Variants in LIPH observed in about 807,000 individuals in gnomAD.
LIPH encodes lipase H, also known as lipase member H.
Under a neutral mutation model 47.6 loss-of-function variants are expected in LIPH, and 32 were observed. The observed-to-expected ratio is 0.67, with a 90% confidence interval of 0.51 to 0.90. The LOEUF (loss-of-function observed/expected upper bound fraction) is 0.90. Among genes scored for constraint, LIPH ranks in the 40% least tolerant of loss-of-function variants. The pLI, the probability that LIPH is intolerant of heterozygous loss-of-function variation, is 0.00. For synonymous variants in LIPH, 190 were observed against 195.6 expected, an observed-to-expected ratio of 0.97 and a Z score of 0.24; for missense variants, 497 against 541.4, an observed-to-expected ratio of 0.92 and a Z score of 0.81.
At chr3:185,547,645 A>G (rs902342999) in intron 1 of LIPH, among the ~76,000 whole-genome samples, 6 of 152,070 alleles carry the variant, frequency 3.9e-5, no homozygotes, top group Non-Finnish European at 7.4e-5. Context: ...CAACATGGCG[A>G]AACCCCGTCT....
chr3:185,541,883 A>G (rs2148963762), intron 1 of LIPH, among the ~76,000 whole-genome samples: 1 of 151,524 alleles, frequency 6.6e-6, no homozygotes, highest in South Asian at 2.1e-4. Context: ...CAGTCTCCCG[A>G]GTAGCTGGGA....
At chr3:185,529,762 T>G (rs547456417) in intron 3 of LIPH, among the ~76,000 whole-genome samples, 13 of 151,494 alleles carry the variant, frequency 8.6e-5, no homozygotes, top group Admixed American at 3.3e-4. Flanking sequence ...TGGTGGCTCA[T>G]GCTTGTAATC....
Position 185,508,579 on chromosome 3 carries a change from T to C in LIPH, c.*211A>G. 1.7e-6 allele frequency: 1 copy of C among 576,100 alleles called. No individual in the cohort carries two copies. The highest frequency in any genetic ancestry group is 3.0e-5 in the East Asian group (1 of 33,228). The allele number at this position is 576,100 out of a possible 1,614,324, so 35.7% of individuals were successfully genotyped here. Reference sequence around the variant, plus strand: ...GCGCTGCTGCGAGCCTGGCTATTTCTGACTTGCCCTAGTTAGGGGCTCCTT... The same window carrying C: ...GCGCTGCTGCGAGCCTGGCTATTTCCGACTTGCCCTAGTTAGGGGCTCCTT... On this transcript the variant is annotated 3_prime_UTR_variant, in exon 10 of 10. Transcript: ENST00000296252.
intron 3 of LIPH, among the ~76,000 whole-genome samples, chr3:185,529,847 GCCATTGC>G (rs1426387072): frequency 1.3e-5 from 2 of 150,770 alleles, no homozygotes; most frequent in Admixed American, 6.7e-5. Context: ...CCATGATTGT[GCCATTGC>G]CCTCCAGCCC....
chr3:185,552,467 A>T lies in LIPH; in HGVS notation c.5T>A (p.Leu2Ter), dbSNP rs766893233. The change falls in exon 1 of 10, where the codon TTG becomes TAG. Residue 2 changes from leucine (L) to a stop codon, truncating the protein, a stop_gained. Coordinates refer to ENST00000296252, the MANE Select transcript of LIPH (RefSeq NM_139248.3). LOFTEE classifies it high-confidence loss of function. The stretch of plus-strand genomic sequence containing the variant: ...CAAACTGATGAATAAGTAGAATCTC[A>T]ACATATGGAAACTGGAGAGATCGTG... M[L>*]RFYLFISLLC... 1.2e-5 allele frequency: 19 copies of T among 1,598,166 alleles called. No individual in the cohort carries two copies. The Admixed American group carries it at 2.0e-4, about 17-fold the overall frequency.
Position 185,544,552 on chromosome 3 carries a change from G to A in LIPH, c.49+7871C>T, listed in dbSNP as rs539309503. 8.0e-5 allele frequency among the ~76,000 whole-genome samples: 12 copies of A among 150,936 alleles called. No individual in the cohort carries two copies. In the South Asian group the frequency reaches 1.5e-3, roughly 19 times the overall value. ...GTATTTTTAGTAGATATGGCTTTTC[G>A]CCATGTTGGCCAGGCTGGTCTTGAA... On this transcript the variant is annotated intron_variant, in intron 1 of 9. Transcript: ENST00000296252.
chr3:185,515,011 G>A (rs971441954), intron 7 of LIPH, among the ~76,000 whole-genome samples: 1 of 152,236 alleles, frequency 6.6e-6, no homozygotes, highest in African/African-American at 2.4e-5. Context: ...ACCTGGGCAC[G>A]CTTACTTTGC....
At chr3:185,535,264 G>T (rs1170200302) in intron 1 of LIPH, 132 bp from the exon 2 acceptor site, 2 of 1,037,198 alleles carry the variant, frequency 1.9e-6, no homozygotes, top group Non-Finnish European at 2.9e-6. Flanking sequence ...GGATCCAGTT[G>T]AATGAAGTTG....
At chr3:185,521,452 G>A (rs945814803) in intron 5 of LIPH, among the ~76,000 whole-genome samples, 1 of 152,188 alleles carries the variant, frequency 6.6e-6, no homozygotes, top group Non-Finnish European at 1.5e-5. Context: ...CTGGAAGCCT[G>A]GTTCTTATGA....
At chr3:185,544,031 A>G (rs1186250913) in intron 1 of LIPH, among the ~76,000 whole-genome samples, 1 of 151,832 alleles carries the variant, frequency 6.6e-6, no homozygotes, top group Non-Finnish European at 1.5e-5. Context: ...TTATATTTTT[A>G]GTAGAGACAG....
rs1261328181 is a variant in LIPH, at chr3:185,514,384, C to T, written c.1094+26G>A. ...TCTGAGCAAAAAGGGAAATAGCGCA[C>T]TGCAAACAATTGTAACTCAACTTAC... is the stretch of plus-strand genomic sequence containing the variant. On this transcript the variant is annotated intron_variant, in intron 8 of 9. Transcript: ENST00000296252. 5 of 1,008,220 alleles carry T rather than the reference C, an allele frequency of 5.0e-6. No individual in the cohort carries two copies. The African/African-American group carries it at 7.9e-5, about 16-fold the overall frequency. 62.5% of individuals were successfully genotyped at this position (1,008,220 alleles called of 1,614,324 possible).
At chr3:185,514,388 A>G (rs144380247) in intron 8 of LIPH, 22 bp downstream of exon 8, 3 of 1,055,880 alleles carry the variant, frequency 2.8e-6, no homozygotes, top group Non-Finnish European at 4.5e-6. Flanking sequence ...AGCGCACTGC[A>G]AACAATTGTA....
At chr3:185,550,508 G>A (rs542513984) in intron 1 of LIPH, among the ~76,000 whole-genome samples, 56 of 152,258 alleles carry the variant, frequency 3.7e-4, no homozygotes, top group African/African-American at 1.1e-3. Context: ...GTACCCACAA[G>A]CCATCTTGTG....
At chr3:185,512,554 T>A (rs973714066) in intron 8 of LIPH, among the ~76,000 whole-genome samples, 1 of 149,758 alleles carries the variant, frequency 6.7e-6, no homozygotes, top group African/African-American at 2.5e-5. Flanking sequence ...AGTGGTGTGA[T>A]CTCGGTTCAC....
intron 8 of LIPH, among the ~76,000 whole-genome samples, chr3:185,513,213 G>A (rs1324661322): frequency 1.3e-5 from 2 of 151,890 alleles, no homozygotes; most frequent in African/African-American, 2.4e-5. Context: ...GGTGGCTCAC[G>A]CTTGTAGTCT....
rs370228465 is a variant in LIPH, at chr3:185,529,806, C to T, written c.527-2221G>A. 5.9e-4 allele frequency among the ~76,000 whole-genome samples: 89 copies of T among 151,502 alleles called. 4 individuals carry two copies. In the South Asian group the frequency reaches 0.018, roughly 31 times the overall value. On this transcript the variant is annotated intron_variant, in intron 3 of 9. Coordinates refer to ENST00000296252, the MANE Select transcript of LIPH (RefSeq NM_139248.3). ...TCCGGAGACTGAGACAGAAGGATCA[C>T]TTGAGCCCAGAAGTTCCAGGTTGCA...
rs1336484215 is a variant in LIPH, at chr3:185,508,551, G to A, written c.*239C>T. 1 of 528,316 alleles carries A rather than the reference G, an allele frequency of 1.9e-6. No individual in the cohort carries two copies. Among genetic ancestry groups the A allele is most frequent in the Non-Finnish European group, 3.4e-6 (1 of 293,120 alleles). 32.7% of individuals were successfully genotyped at this position (528,316 alleles called of 1,614,324 possible). A position where few individuals can be genotyped will look rare whatever the true frequency, so the allele number is the denominator to read the frequency against. On this transcript the variant is annotated 3_prime_UTR_variant, in exon 10 of 10. Coordinates refer to ENST00000296252, the MANE Select transcript of LIPH (RefSeq NM_139248.3). ...GGCCCCAGGACACAGCAGACACAGCGCTGCGCTGCTGCGAGCCTGGCTATT... is the reference window on the plus strand; with the variant it reads ...GGCCCCAGGACACAGCAGACACAGCACTGCGCTGCTGCGAGCCTGGCTATT...
At chr3:185,512,206 G>A (rs1719587414) in intron 8 of LIPH, among the ~76,000 whole-genome samples, 1 of 152,122 alleles carries the variant, frequency 6.6e-6, no homozygotes, top group Non-Finnish European at 1.5e-5. Context: ...TGCATCCCTA[G>A]ATGCCTAAGT....
intron 1 of LIPH, among the ~76,000 whole-genome samples, chr3:185,544,094 A>G (rs1179653682): frequency 6.6e-6 from 1 of 151,026 alleles, no homozygotes; most frequent in Non-Finnish European, 1.5e-5. Context: ...CAGGTAATCC[A>G]CCTGCCTCCG....
Sources: allele counts gnomAD v4.1 joint callset (sites outside exome capture counted in the v4.1 genomes callset), GRCh38; gene constraint gnomAD v4.1.1; transcripts MANE v1.5; gene names NCBI Gene and HGNC (gene_info 2026-07-23, HGNC 2026-07-21).